Variants in MYH14 observed in about 807,000 individuals in gnomAD.
MYH14 encodes myosin-14.
MYH14 carries 123 observed loss-of-function variants against 255.5 expected under a neutral mutation model. That is an observed-to-expected ratio of 0.48 (90% CI 0.42 to 0.56). The LOEUF (loss-of-function observed/expected upper bound fraction) is 0.56. Ranked by LOEUF, MYH14 falls within the 20% of genes least tolerant of loss-of-function variation. The pLI is 0.00. For synonymous variants in MYH14, 1,095 were observed against 1,161.2 expected (o/e 0.94, Z 1.16); for missense variants, 2,423 against 2,802.3 (o/e 0.86, Z 3.06).
At chr19:50,306,921 C>T in intron 40 of MYH14, 128 bp from the exon 41 acceptor site, 1 of 709,856 alleles carries the variant, frequency 1.4e-6, no homozygotes, top group East Asian at 2.9e-5. Flanking sequence ...CTGTGGGAAC[C>T]ACTTAGGGGT....
intron 10 of MYH14, among the ~76,000 whole-genome samples, chr19:50,238,541 T>A (rs967509520): frequency 1.3e-5 from 2 of 151,988 alleles, no homozygotes; most frequent in African/African-American, 4.8e-5. Flanking sequence ...AACCTCCACC[T>A]CCCTGGTTCA....
At chr19:50,209,343 T>C (rs1171625685) in intron 1 of MYH14, among the ~76,000 whole-genome samples, 2 of 152,088 alleles carry the variant, frequency 1.3e-5, no homozygotes, top group East Asian at 3.9e-4. Flanking sequence ...GTTGCTCCAT[T>C]GTCAGTGCCC....
At position 50,289,651 on chromosome 19, in the gene MYH14, A is replaced by G. The variant is rs1371010766; in HGVS notation, c.4965+3A>G. 3 of 1,602,960 alleles carry G rather than the reference A, an allele frequency of 1.9e-6. No individual in the cohort carries two copies. The highest frequency in any genetic ancestry group is 2.7e-5 in the African/African-American group (2 of 74,710). On this transcript the variant is annotated splice_donor_region_variant and intron_variant, in intron 35 of 42. Coordinates refer to ENST00000642316, the MANE Select transcript of MYH14 (RefSeq NM_001145809.2). ...GGCGGAGGCAGCTGGCCAAGCAGGTATTGTCACACAGAAGGCCACAGGGTG... is the reference window on the plus strand; with the variant it reads ...GGCGGAGGCAGCTGGCCAAGCAGGTGTTGTCACACAGAAGGCCACAGGGTG...
intron 12 of MYH14, among the ~76,000 whole-genome samples, chr19:50,248,423 A>C (rs2034219317): frequency 1.3e-5 from 2 of 151,974 alleles, no homozygotes; most frequent in South Asian, 4.1e-4. Flanking sequence ...GGTGGAGTGG[A>C]GCGACCACAG....
Position 50,276,070 on chromosome 19 carries a change from G to A in MYH14, c.3547G>A (p.Glu1183Lys). Reference protein sequence around the residue: ...EAQAALAEAQEDLESERVART... With the variant: ...EAQAALAEAQKDLESERVART... The stretch of plus-strand genomic sequence containing the variant: ...TCAAGCAGCCCTGGCCGAGGCCCAG[G>A]AGGACCTGGAGTCTGAGCGTGTGGC... The change falls in exon 28 of 43, where the codon GAG (glutamate) becomes AAG (lysine). Residue 1183 changes from glutamate to lysine, a missense_variant. Physicochemically the swap from Glu to Lys is moderately conservative, Grantham distance 56 (BLOSUM62 1). Transcript: ENST00000642316. This position sits in a 1 kb window ranked among gnomAD's most constrained non-coding sequence, Gnocchi z 4.3. 6.2e-7 allele frequency: 1 copy of A among 1,611,586 alleles called. No individual in the cohort carries two copies. Among genetic ancestry groups the A allele is most frequent in the Non-Finnish European group, 8.5e-7 (1 of 1,179,284 alleles).
At chr19:50,246,940 C>T in intron 11 of MYH14, 64 bp from the exon 12 acceptor site, 1 of 1,188,694 alleles carries the variant, frequency 8.4e-7, no homozygotes. Context: ...GGTACCCTCT[C>T]CCTTGCTGGG....
At chr19:50,271,813 C>A (rs148223762) in intron 25 of MYH14, 36 bp from the exon 26 acceptor site, 1 of 1,611,414 alleles carries the variant, frequency 6.2e-7, no homozygotes, top group Non-Finnish European at 8.5e-7. Context: ...TGGCCCAACT[C>A]CTCCTGACTG....
intron 41 of MYH14, 41 bp downstream of exon 41, chr19:50,307,198 C>T: frequency 2.3e-6 from 3 of 1,280,142 alleles, no homozygotes; most frequent in Non-Finnish European, 3.3e-6. Context: ...GAGAGTGTGA[C>T]CACTGGCTGA....
At chr19:50,244,783 G>A (rs2034037168) in intron 11 of MYH14, among the ~76,000 whole-genome samples, 1 of 151,994 alleles carries the variant, frequency 6.6e-6, no homozygotes, top group South Asian at 2.1e-4. Flanking sequence ...GTGCCTGGCC[G>A]ATTTCCTGCT....
chr19:50,212,648 A>C (rs2032259851), intron 2 of MYH14, among the ~76,000 whole-genome samples: 1 of 152,198 alleles, frequency 6.6e-6, no homozygotes, highest in South Asian at 2.1e-4. Context: ...AGGTTCACAA[A>C]GCGGAAGATT....
Position 50,266,858 on chromosome 19 carries a change from C to T in MYH14, c.2695-19C>T, listed in dbSNP as rs1010084089. ...TGGCGCCTGAAGTCAGCCATTCCAC[C>T]CCTTTCACCTCCACCTAGGTGAAGC... On this transcript the variant is annotated intron_variant, in intron 22 of 42. Transcript: ENST00000642316. This position sits in a 1 kb window ranked among gnomAD's most constrained non-coding sequence, Gnocchi z 4.1. 42 of 1,551,468 alleles carry T rather than the reference C, an allele frequency of 2.7e-5. No homozygotes were observed. Among genetic ancestry groups the T allele is most frequent in the Non-Finnish European group, 3.3e-5 (38 of 1,146,952 alleles).
intron 30 of MYH14, among the ~76,000 whole-genome samples, chr19:50,279,433 C>G (rs2035630698): frequency 6.6e-6 from 1 of 152,156 alleles, no homozygotes; most frequent in South Asian, 2.1e-4. Flanking sequence ...GAGTTCAAGA[C>G]CAGCTGCCTG....
chr19:50,246,132 C>CTT (rs71180686), intron 11 of MYH14, among the ~76,000 whole-genome samples: 113 of 134,284 alleles, frequency 8.4e-4, no homozygotes, highest in Admixed American at 2.2e-3. Context: ...TCCTTCCTTC[C>CTT]CTCCTTCCTT....
chr19:50,245,726 T>C (rs2123289114), intron 11 of MYH14, among the ~76,000 whole-genome samples: 1 of 152,282 alleles, frequency 6.6e-6, no homozygotes, highest in African/African-American at 2.4e-5. Flanking sequence ...ATTACCCCAC[T>C]ATGCTGCTGG....
At chr19:50,207,257 A>AAGAGAGAGAGAGAG (rs2031827890) in intron 1 of MYH14, among the ~76,000 whole-genome samples, 31 of 26,956 alleles carry the variant, frequency 1.2e-3, no homozygotes, top group Non-Finnish European at 1.5e-3. Flanking sequence ...GAGAGAGAGA[A>AAGAGAGAGAGAGAG]AGAGAGAGAG....
intron 39 of MYH14, among the ~76,000 whole-genome samples, chr19:50,301,426 A>G (rs2036476658): frequency 6.6e-6 from 1 of 152,270 alleles, no homozygotes; most frequent in Non-Finnish European, 1.5e-5. Flanking sequence ...TATTAAAGTA[A>G]GCAGAAAACT....
chr19:50,309,091 C>T lies in MYH14; in HGVS notation c.5874C>T (p.Arg1958=). Reference sequence around the variant, plus strand: ...AGGCATCCCGGGCTCAGGCCGGCCGCCGGAGGCTGCAGCGTGAGCTGGAAG... The same window carrying T: ...AGGCATCCCGGGCTCAGGCCGGCCGTCGGAGGCTGCAGCGTGAGCTGGAAG... ...EEEASRAQAG[R]RRLQRELEDV... Residue 1958 remains arginine, a synonymous_variant, in exon 42 of 43, where the codon CGC becomes CGT. Coordinates refer to ENST00000642316, the MANE Select transcript of MYH14 (RefSeq NM_001145809.2). 1 of 1,613,906 alleles carries T rather than the reference C, an allele frequency of 6.2e-7. No individual in the cohort carries two copies. The highest frequency in any genetic ancestry group is 8.5e-7 in the Non-Finnish European group (1 of 1,179,824).
rs1215282781 is a variant in MYH14, at chr19:50,250,735, G to A, written c.1830+47G>A. 6.4e-7 allele frequency: 1 copy of A among 1,557,046 alleles called. No individual in the cohort carries two copies. The highest frequency in any genetic ancestry group is 1.7e-5 in the Admixed American group (1 of 58,218). On this transcript the variant is annotated intron_variant, in intron 15 of 42. Coordinates refer to ENST00000642316, the MANE Select transcript of MYH14 (RefSeq NM_001145809.2). This position sits in a 1 kb window ranked among gnomAD's most constrained non-coding sequence, Gnocchi z 5.4. ...GGGGCATGTGGGAGTGGGGATCAAG[G>A]GATCTCCACTGGCTACAGATGGGGG...
chr19:50,282,947 A>ATT (rs2035774667), intron 33 of MYH14, among the ~76,000 whole-genome samples: 4 of 151,830 alleles, frequency 2.6e-5, no homozygotes, highest in Admixed American at 2.6e-4. Flanking sequence ...TTCTTCAAAT[A>ATT]TTTTTATCTC....
Sources: gnomAD v4.1 joint callset for allele counts (sites outside exome capture counted in the v4.1 genomes callset) on GRCh38, gnomAD v4.1.1 for gene constraint, Gnocchi (gnomAD v3.1) non-coding constraint, MANE v1.5 for transcripts, NCBI Gene and HGNC (gene_info 2026-07-23, HGNC 2026-07-21) for gene names.